KCNT2: variants seen among roughly 807,000 people sequenced by gnomAD.
KCNT2 encodes potassium channel subfamily T member 2.
Under a neutral mutation model 153.8 loss-of-function variants are expected in KCNT2, and 67 were observed. That is an observed-to-expected ratio of 0.44 (90% CI 0.36 to 0.53). The LOEUF is 0.53. Ranked by LOEUF, KCNT2 falls within the 20% of genes least tolerant of loss-of-function variation. The pLI, the probability that KCNT2 is intolerant of heterozygous loss-of-function variation, is 0.00. For missense variants in KCNT2, 975 were observed against 1,354.8 expected, an observed-to-expected ratio of 0.72 and a Z score of 4.40; for synonymous variants, 500 against 458.8, an observed-to-expected ratio of 1.09 and a Z score of -1.15.
intron 8 of KCNT2, among the ~76,000 whole-genome samples, chr1:196,460,047 T>C (rs1220066215): frequency 6.6e-6 from 1 of 151,796 alleles, no homozygotes; most frequent in Non-Finnish European, 1.5e-5. Flanking sequence ...GTAATTTTAT[T>C]ACATTGTTCT....
intron 1 of KCNT2, among the ~76,000 whole-genome samples, chr1:196,532,211 A>G (rs554666992): frequency 2.0e-5 from 3 of 152,148 alleles, no homozygotes; most frequent in Non-Finnish European, 4.4e-5. Context: ...TCAGTTTGGC[A>G]TAACAGTACA....
intron 1 of KCNT2, among the ~76,000 whole-genome samples, chr1:196,565,496 T>C (rs1237594696): frequency 6.6e-6 from 1 of 151,698 alleles, no homozygotes; most frequent in South Asian, 2.1e-4. Flanking sequence ...TATGTTCATG[T>C]AGCATTATTC....
chr1:196,556,298 T>C (rs1658650490), intron 1 of KCNT2, among the ~76,000 whole-genome samples: 1 of 151,512 alleles, frequency 6.6e-6, no homozygotes, highest in Non-Finnish European at 1.5e-5. Context: ...AACAACTCTA[T>C]AGGAAAACCA....
intron 1 of KCNT2, among the ~76,000 whole-genome samples, chr1:196,602,084 C>T (rs1233540405): frequency 3.3e-5 from 5 of 151,950 alleles, no homozygotes; most frequent in Admixed American, 2.6e-4. Flanking sequence ...AAATAATTGT[C>T]TTTCTGGATA....
At chr1:196,429,091 G>A (rs144860507) in intron 9 of KCNT2, among the ~76,000 whole-genome samples, 4 of 148,212 alleles carry the variant, frequency 2.7e-5, no homozygotes, top group Non-Finnish European at 5.9e-5. Flanking sequence ...CCATCCACCT[G>A]CCTCAGCCTC....
At chr1:196,523,774 G>A (rs1478955429) in intron 1 of KCNT2, among the ~76,000 whole-genome samples, 2 of 152,116 alleles carry the variant, frequency 1.3e-5, no homozygotes, top group Non-Finnish European at 2.9e-5. Flanking sequence ...GAAAATAAGC[G>A]ATTCAAATTA....
chr1:196,354,500 C>T (rs902536647), intron 14 of KCNT2, among the ~76,000 whole-genome samples: 1 of 151,672 alleles, frequency 6.6e-6, no homozygotes, highest in Non-Finnish European at 1.5e-5. Context: ...ATTCATTCTC[C>T]ACCATGTAGT....
At chr1:196,432,270 G>T (rs1408523127) in intron 8 of KCNT2, among the ~76,000 whole-genome samples, 1 of 152,152 alleles carries the variant, frequency 6.6e-6, no homozygotes, top group East Asian at 1.9e-4. Flanking sequence ...TCCTTGGAGA[G>T]CCTTGGGGCC....
intron 3 of KCNT2, among the ~76,000 whole-genome samples, chr1:196,483,468 A>G (rs528516523): frequency 2.6e-5 from 4 of 152,320 alleles, no homozygotes; most frequent in African/African-American, 9.6e-5. Context: ...GTTTTAGATC[A>G]CATTACCCTA....
chr1:196,565,297 T>C (rs1659969775), intron 1 of KCNT2, among the ~76,000 whole-genome samples: 1 of 151,638 alleles, frequency 6.6e-6, no homozygotes, highest in African/African-American at 2.4e-5. Flanking sequence ...AAGATAAGTG[T>C]TGGCTAGAAT....
intron 14 of KCNT2, among the ~76,000 whole-genome samples, chr1:196,358,471 G>T (rs575840242): frequency 6.6e-6 from 1 of 151,712 alleles, no homozygotes; most frequent in East Asian, 1.9e-4. Context: ...ATTTAAGCCT[G>T]TGGAAAAACA....
chr1:196,251,979 G>A (rs1349021221), intron 26 of KCNT2, among the ~76,000 whole-genome samples: 7 of 151,602 alleles, frequency 4.6e-5, no homozygotes, highest in Non-Finnish European at 8.9e-5. Flanking sequence ...CATATATGGC[G>A]TTTTGCTTTC....
intron 23 of KCNT2, among the ~76,000 whole-genome samples, chr1:196,284,248 A>AAAAAAAAATATATAT: frequency 3.0e-4 from 3 of 10,050 alleles, no homozygotes; most frequent in African/African-American, 4.1e-4. Context: ...AAAAAAAAAA[A>AAAAAAAAATATATAT]ATATATATAT....
rs11330510 is a variant in KCNT2, at chr1:196,324,309, AT to A, written c.2276+2407del. On this transcript the variant is annotated intron_variant, in intron 19 of 27. Transcript: ENST00000294725. The stretch of plus-strand genomic sequence containing the variant: ...CAAAAAGTATGAGCAAGCAACATGT[AT>A]TTTTTTCATATATGAAAACCCTGTA... 4.6e-3 allele frequency among the ~76,000 whole-genome samples: 692 copies of A among 151,998 alleles called. 4 individuals are homozygous for A. The highest frequency in any genetic ancestry group is 0.015 in the African/African-American group (626 of 41,494).
chr1:196,255,160 A>T (rs1253165516), intron 26 of KCNT2, among the ~76,000 whole-genome samples: 2 of 151,720 alleles, frequency 1.3e-5, no homozygotes, highest in African/African-American at 4.8e-5. Flanking sequence ...TTATTGAGGA[A>T]TAATGTTAGT....
intron 1 of KCNT2, among the ~76,000 whole-genome samples, chr1:196,559,422 T>C (rs992224886): frequency 1.3e-5 from 2 of 151,742 alleles, no homozygotes; most frequent in Non-Finnish European, 1.5e-5. Flanking sequence ...TTTCCAGTTT[T>C]ATGCTGTTAT....
At chr1:196,482,216 A>C in intron 4 of KCNT2, 115 bp downstream of exon 4, 1 of 675,474 alleles carries the variant, frequency 1.5e-6, no homozygotes, top group Non-Finnish European at 2.6e-6. Flanking sequence ...GTGCATGAAG[A>C]TTAATCAGGC....
In KCNT2 at chr1:196,421,637, T is replaced by C. The variant is rs1387471104; in HGVS notation, c.1185+1413A>G. Among the ~76,000 whole-genome samples, 4 of 152,078 alleles carry C rather than the reference T, an allele frequency of 2.6e-5. 1 individual carries two copies. In the East Asian group the frequency reaches 5.8e-4, roughly 22 times the overall value. On this transcript the variant is annotated intron_variant, in intron 12 of 27. Transcript: ENST00000294725. ...TGGGGAGCAGATACTTTTTCTCATA[T>C]ATATATTTCAAAAAATATTTTAAAA...
intron 8 of KCNT2, among the ~76,000 whole-genome samples, chr1:196,433,041 G>C (rs1674299606): frequency 6.6e-6 from 1 of 151,998 alleles, no homozygotes; most frequent in African/African-American, 2.4e-5. Context: ...AATAGAATTA[G>C]CAACCTTATA....
Sources: allele counts gnomAD v4.1 joint callset (sites outside exome capture counted in the v4.1 genomes callset), GRCh38; gene constraint gnomAD v4.1.1; transcripts MANE v1.5; gene names NCBI Gene and HGNC (gene_info 2026-07-23, HGNC 2026-07-21).